DZIP1L: variants seen among roughly 807,000 people sequenced by gnomAD.
The protein encoded by DZIP1L is cilium assembly protein DZIP1L.
In DZIP1L, 90 loss-of-function variants were observed where a neutral mutation model predicts 88.7. The observed-to-expected ratio is 1.02, with a 90% CI of 0.86 to 1.21. The LOEUF (loss-of-function observed/expected upper bound fraction) is 1.21. Among genes scored for constraint, DZIP1L ranks in the 50% most tolerant of loss-of-function variants. The pLI is 0.00. For missense variants in DZIP1L, 932 were observed against 955.8 expected (o/e 0.98, Z 0.33); for synonymous variants, 363 against 372.1 (o/e 0.98, Z 0.28).
At chr3:138,105,828 A>G (rs1307428040) in intron 1 of DZIP1L, among the ~76,000 whole-genome samples, 2 of 152,134 alleles carry the variant, frequency 1.3e-5, no homozygotes, top group African/African-American at 4.8e-5. Flanking sequence ...CATATGTATG[A>G]TTCACTTATG....
intron 6 of DZIP1L, 98 bp downstream of exon 6, chr3:138,088,280 GT>G: frequency 7.0e-7 from 1 of 1,424,518 alleles, no homozygotes; most frequent in Non-Finnish European, 9.2e-7. Flanking sequence ...GAACTTTGAT[GT>G]CCTTCAACTT....
At chr3:138,099,996 C>T (rs1944654734) in intron 2 of DZIP1L, among the ~76,000 whole-genome samples, 1 of 152,096 alleles carries the variant, frequency 6.6e-6, no homozygotes, top group Non-Finnish European at 1.5e-5. Context: ...TCTGCCCCAC[C>T]CCGCAAATGA....
intron 12 of DZIP1L, 105 bp from the exon 13 acceptor site, chr3:138,068,472 C>A: frequency 1.2e-6 from 1 of 813,368 alleles, no homozygotes; most frequent in Non-Finnish European, 1.8e-6. Flanking sequence ...AACAATTACT[C>A]CCTCTCCGTG....
intron 12 of DZIP1L, among the ~76,000 whole-genome samples, chr3:138,071,150 C>G (rs551285205): frequency 6.6e-6 from 1 of 152,376 alleles, no homozygotes; most frequent in South Asian, 2.1e-4. Context: ...ATGGCCAGAG[C>G]AGGGGCTATC....
chr3:138,089,474 A>G (rs1944102663), intron 5 of DZIP1L, among the ~76,000 whole-genome samples: 1 of 152,220 alleles, frequency 6.6e-6, no homozygotes, highest in African/African-American at 2.4e-5. Context: ...TTCTCTCTTT[A>G]GTCAGGTAAT....
intron 1 of DZIP1L, among the ~76,000 whole-genome samples, chr3:138,106,429 C>T (rs1559864681): frequency 6.6e-6 from 1 of 151,712 alleles, no homozygotes; most frequent in Admixed American, 6.6e-5. Context: ...TGAGCCACTG[C>T]ACCCGGCCCA....
intron 1 of DZIP1L, among the ~76,000 whole-genome samples, chr3:138,114,506 C>T (rs769024958): frequency 1.3e-5 from 2 of 152,148 alleles, no homozygotes; most frequent in Non-Finnish European, 2.9e-5. Context: ...CTGGCCAGTC[C>T]TCACATCCGG....
chr3:138,087,968 G>A (rs1038038171), intron 6 of DZIP1L, among the ~76,000 whole-genome samples: 2 of 152,202 alleles, frequency 1.3e-5, no homozygotes, highest in Non-Finnish European at 2.9e-5. Context: ...TTTACACCAC[G>A]GAAATTGGCA....
intron 7 of DZIP1L, among the ~76,000 whole-genome samples, chr3:138,085,428 C>T (rs1943881690): frequency 6.6e-6 from 1 of 152,052 alleles, no homozygotes; most frequent in African/African-American, 2.4e-5. Flanking sequence ...CAAACAACCC[C>T]ATCAAAAAGT....
chr3:138,110,703 C>A (rs1180918448), intron 1 of DZIP1L, among the ~76,000 whole-genome samples: 1 of 152,192 alleles, frequency 6.6e-6, no homozygotes, highest in African/African-American at 2.4e-5. Flanking sequence ...GGGCAACTAT[C>A]CCTGCCGTTG....
chr3:138,090,805 A>G (rs1243983520), intron 5 of DZIP1L, among the ~76,000 whole-genome samples: 4 of 152,174 alleles, frequency 2.6e-5, no homozygotes, highest in Admixed American at 2.6e-4. Flanking sequence ...CCAATGAGAG[A>G]TAAATACATT....
At chr3:138,103,221 C>G (rs778666086) in intron 2 of DZIP1L, among the ~76,000 whole-genome samples, 1 of 151,930 alleles carries the variant, frequency 6.6e-6, no homozygotes, top group African/African-American at 2.4e-5. Flanking sequence ...TGTACCCTCT[C>G]CATAAACACG....
chr3:138,102,488 T>G, intron 2 of DZIP1L: 5 of 1,364,656 alleles, frequency 3.7e-6, no homozygotes, highest in Non-Finnish European at 5.2e-6. Context: ...AGGTTGTTGA[T>G]GTAGCTCTGA....
rs949305908 is a variant in DZIP1L, at chr3:138,104,007, G to C, written c.-36C>G. The stretch of plus-strand genomic sequence containing the variant: ...AGCCCTGAGCTGACCACCAGAGGAG[G>C]GGGGCACCAAGGCCACGGCAGTAGG... On this transcript the variant is annotated 5_prime_UTR_variant, in exon 2 of 16. Coordinates refer to ENST00000327532, the MANE Select transcript of DZIP1L (RefSeq NM_173543.3). The C allele has an allele frequency of 8.2e-6, 13 of 1,579,154 alleles. No individual in the cohort carries two copies. The highest frequency in any genetic ancestry group is 1.1e-5 in the Non-Finnish European group (13 of 1,168,682).
intron 12 of DZIP1L, chr3:138,069,212 C>A: frequency 1.6e-6 from 1 of 626,882 alleles, no homozygotes; most frequent in South Asian, 1.9e-5. Context: ...TGATGATCCA[C>A]TTCCCCTTAA....
At chr3:138,103,324 G>A in intron 2 of DZIP1L, 147 bp downstream of exon 2, 1 of 858,280 alleles carries the variant, frequency 1.2e-6, no homozygotes, top group Non-Finnish European at 1.8e-6. Flanking sequence ...CTGGCCATGA[G>A]CAGCATCTCT....
chr3:138,091,313 T>C (rs922266475), intron 5 of DZIP1L, among the ~76,000 whole-genome samples: 11 of 151,668 alleles, frequency 7.3e-5, no homozygotes, highest in African/African-American at 2.7e-4. Context: ...CTCAATTTCT[T>C]TACCTATAAA....
intron 15 of DZIP1L, chr3:138,064,288 CTG>C: frequency 9.3e-7 from 1 of 1,080,482 alleles, no homozygotes; most frequent in Middle Eastern, 3.8e-4. Flanking sequence ...GAGGAGCCCA[CTG>C]TGGGATGAGA....
chr3:138,081,438 G>C (rs1353321800), intron 9 of DZIP1L, among the ~76,000 whole-genome samples: 1 of 152,164 alleles, frequency 6.6e-6, no homozygotes, highest in African/African-American at 2.4e-5. Context: ...CAGGCATGGT[G>C]AATTAGAAAA....
Sources: gnomAD v4.1 joint callset for allele counts (sites outside exome capture counted in the v4.1 genomes callset) on GRCh38, gnomAD v4.1.1 for gene constraint, MANE v1.5 for transcripts, NCBI Gene and HGNC (gene_info 2026-07-23, HGNC 2026-07-21) for gene names.